The following TRPC4 variants were observed in gnomAD, a reference collection of about 807,000 sequenced individuals.
The protein encoded by TRPC4 is short transient receptor potential channel 4.
TRPC4 carries 49 observed loss-of-function variants against 99.4 expected under a neutral mutation model. The observed-to-expected ratio is 0.49, with a 90% confidence interval of 0.39 to 0.63. TRPC4 has a LOEUF of 0.63. Among genes scored for constraint, TRPC4 ranks in the 20% least tolerant of loss-of-function variants. TRPC4 has a pLI of 0.00. For missense variants in TRPC4, 898 were observed against 1,152.9 expected, an observed-to-expected ratio of 0.78 and a Z score of 3.20; for synonymous variants, 454 against 425.9, an observed-to-expected ratio of 1.07 and a Z score of -0.81.
intron 1 of TRPC4, among the ~76,000 whole-genome samples, chr13:37,785,981 G>C (rs1305850984): frequency 6.6e-6 from 1 of 152,010 alleles, no homozygotes; most frequent in African/African-American, 2.4e-5. Context: ...ATTTTAGTCA[G>C]CACTGTAATT....
chr13:37,744,985 T>C (rs1955695552), intron 3 of TRPC4, among the ~76,000 whole-genome samples: 2 of 152,260 alleles, frequency 1.3e-5, no homozygotes, highest in African/African-American at 4.8e-5. Flanking sequence ...TGGTTTCTTA[T>C]TCCTGACAAA....
chr13:37,812,185 A>AAAAAAAAAC (rs1957713717), intron 1 of TRPC4, among the ~76,000 whole-genome samples: 1 of 146,962 alleles, frequency 6.8e-6, no homozygotes. Context: ...TCAAAAAAAA[A>AAAAAAAAAC]AAAAAAAAAA....
intron 1 of TRPC4, among the ~76,000 whole-genome samples, chr13:37,818,245 A>G (rs1166041662): frequency 1.3e-5 from 2 of 152,080 alleles, no homozygotes; most frequent in Non-Finnish European, 2.9e-5. Flanking sequence ...TCAAAATTAC[A>G]ATGAGATACC....
intron 3 of TRPC4, among the ~76,000 whole-genome samples, chr13:37,703,525 T>G (rs185327985): frequency 6.6e-6 from 1 of 152,166 alleles, no homozygotes; most frequent in African/African-American, 2.4e-5. Context: ...GGACTAAAAT[T>G]TGAAGAGACA....
chr13:37,672,872 A>G (rs1386291212), intron 5 of TRPC4, among the ~76,000 whole-genome samples: 1 of 152,196 alleles, frequency 6.6e-6, no homozygotes, highest in Non-Finnish European at 1.5e-5. Context: ...ATTGATAGAA[A>G]TTGCTTTCCC....
chr13:37,860,448 G>C lies in TRPC4; in HGVS notation c.-28+9147C>G, dbSNP rs76684595. On this transcript the variant is annotated intron_variant, in intron 1 of 10. Transcript: ENST00000379705. ...CAATGTGCCTTTTCTGTACACAAAG[G>C]AACAATGTAATAACCTGAAATCTCC... 9.1e-3 allele frequency among the ~76,000 whole-genome samples: 1,375 copies of C among 151,358 alleles called. 41 individuals are homozygous for C. The East Asian group carries it at 0.1, about 11-fold the overall frequency.
At position 37,700,041 on chromosome 13, in the gene TRPC4, A is replaced by T. The variant is rs763668306; in HGVS notation, c.898-7706T>A. On this transcript the variant is annotated intron_variant, in intron 3 of 10. Transcript: ENST00000379705. Reference sequence around the variant, plus strand: ...ATTTAGGTGGTAGGAAGGTCGAGTCAATAAATAATGTTCGTTCTTTGAAAA... The same window carrying T: ...ATTTAGGTGGTAGGAAGGTCGAGTCTATAAATAATGTTCGTTCTTTGAAAA... 2.6e-5 allele frequency among the ~76,000 whole-genome samples: 4 copies of T among 152,208 alleles called. No homozygotes were observed. In the East Asian group the frequency reaches 7.7e-4, roughly 29 times the overall value.
chr13:37,746,482 G>C, intron 2 of TRPC4, 27 bp from the exon 3 acceptor site: 1 of 1,561,876 alleles, frequency 6.4e-7, no homozygotes. Context: ...CAGAGGTGAT[G>C]AATATTTATT....
intron 4 of TRPC4, 23 bp from the exon 5 acceptor site, chr13:37,674,390 TGTAA>T: frequency 1.3e-6 from 2 of 1,593,326 alleles, no homozygotes; most frequent in Non-Finnish European, 1.7e-6. Context: ...AAAGATTCAT[TGTAA>T]GTATGATTTC....
intron 3 of TRPC4, among the ~76,000 whole-genome samples, chr13:37,736,341 A>G (rs1955393313): frequency 6.6e-6 from 1 of 152,170 alleles, no homozygotes. Context: ...GTCATTGAGC[A>G]TGCTCTACAG....
intron 1 of TRPC4, among the ~76,000 whole-genome samples, chr13:37,794,452 T>C (rs1957199238): frequency 6.6e-6 from 1 of 152,084 alleles, no homozygotes; most frequent in Non-Finnish European, 1.5e-5. Context: ...AATAGTATAA[T>C]ACTTATCCAA....
At chr13:37,724,588 C>G (rs1456866722) in intron 3 of TRPC4, among the ~76,000 whole-genome samples, 1 of 142,874 alleles carries the variant, frequency 7.0e-6, no homozygotes, top group Non-Finnish European at 1.6e-5. Flanking sequence ...CAGAAAGACA[C>G]TATATAAGCG....
At chr13:37,836,660 T>C (rs1958574700) in intron 1 of TRPC4, among the ~76,000 whole-genome samples, 1 of 152,182 alleles carries the variant, frequency 6.6e-6, no homozygotes, top group South Asian at 2.1e-4. Context: ...CTGGGTGCTG[T>C]TAAAGGCATT....
chr13:37,704,797 A>T (rs1424957794), intron 3 of TRPC4, among the ~76,000 whole-genome samples: 34 of 152,106 alleles, frequency 2.2e-4, no homozygotes, highest in Admixed American at 2.2e-3. Flanking sequence ...TTGTCTCAAT[A>T]TTCCCCCTTA....
At position 37,663,483 on chromosome 13, in the gene TRPC4, A is replaced by G. The variant is rs1301867062; in HGVS notation, c.1621T>C (p.Tyr541His). The part of the protein sequence containing the change: ...ANGLNQLYFY[Y>H]EETKGLTCKG... ...CAGGTTAACCCTTTCGTTTCTTCAT[A>G]ATAGAAGTACAATTGATTTAGGCCA... Residue 541 changes from tyrosine to histidine, a missense_variant, in exon 6 of 11, where the codon TAT becomes CAT. Tyr to His is a moderately conservative substitution (Grantham distance 83). Around this residue, in one of 3 missense-constraint regions of TRPC4, gnomAD observed 274 missense variants for 454.9 expected, o/e 0.60. Transcript: ENST00000379705. 1.2e-6 allele frequency: 2 copies of G among 1,614,078 alleles called. No homozygotes were observed. The highest frequency in any genetic ancestry group is 2.7e-5 in the African/African-American group (2 of 74,948).
chr13:37,829,669 T>C lies in TRPC4; in HGVS notation c.-28+39926A>G, dbSNP rs571407154. Among the ~76,000 whole-genome samples, 5 of 152,312 alleles carry C rather than the reference T, an allele frequency of 3.3e-5. No individual in the cohort carries two copies. In the South Asian group the frequency reaches 8.3e-4, roughly 25 times the overall value. ...TATACACTCAAATTAAATGAAAATA[T>C]ATGTCACACAGAAATTTGTACGTGA... On this transcript the variant is annotated intron_variant, in intron 1 of 10. Coordinates refer to ENST00000379705, the MANE Select transcript of TRPC4 (RefSeq NM_016179.4).
chr13:37,708,960 T>C (rs1308861081), intron 3 of TRPC4, among the ~76,000 whole-genome samples: 1 of 151,968 alleles, frequency 6.6e-6, no homozygotes, highest in African/African-American at 2.4e-5. Context: ...GAGATTTACA[T>C]ACTCTCTTTA....
At chr13:37,796,750 T>C (rs1377923701) in intron 1 of TRPC4, among the ~76,000 whole-genome samples, 1 of 151,680 alleles carries the variant, frequency 6.6e-6, no homozygotes, top group Non-Finnish European at 1.5e-5. Context: ...GCTCTCCTCC[T>C]CATTAAGGAA....
intron 1 of TRPC4, among the ~76,000 whole-genome samples, chr13:37,794,191 T>C (rs953195965): frequency 3.4e-5 from 4 of 118,322 alleles, no homozygotes; most frequent in South Asian, 2.6e-4. Flanking sequence ...AAAGGTTACA[T>C]ATGGGTAATT....
Sources: allele counts gnomAD v4.1 joint callset (sites outside exome capture counted in the v4.1 genomes callset), GRCh38; gene constraint gnomAD v4.1.1; regional missense constraint gnomAD v4.1.1; transcripts MANE v1.5; gene names NCBI Gene and HGNC (gene_info 2026-07-23, HGNC 2026-07-21).